The following CPNE4 variants were observed in gnomAD, a reference collection of about 807,000 sequenced individuals.
CPNE4 encodes copine 4.
Under a neutral mutation model 67.9 loss-of-function variants are expected in CPNE4, and 25 were observed. That is an observed-to-expected ratio of 0.37 (90% CI 0.27 to 0.51). The LOEUF (loss-of-function observed/expected upper bound fraction) is 0.51. Ranked by LOEUF, CPNE4 falls within the 20% of genes least tolerant of loss-of-function variation. CPNE4 has a pLI of 0.93. For synonymous variants in CPNE4, 242 were observed against 244.9 expected, an observed-to-expected ratio of 0.99 and a Z score of 0.11; for missense variants, 464 against 690.8, an observed-to-expected ratio of 0.67 and a Z score of 3.68.
intron 11 of CPNE4, among the ~76,000 whole-genome samples, chr3:131,558,357 T>C (rs553902332): frequency 6.6e-6 from 1 of 152,112 alleles, no homozygotes; most frequent in African/African-American, 2.4e-5. Context: ...AAAGAAAGCA[T>C]CTGTATACTA....
At chr3:131,771,086 C>T (rs2083153897) in intron 2 of CPNE4, among the ~76,000 whole-genome samples, 1 of 152,094 alleles carries the variant, frequency 6.6e-6, no homozygotes, top group Admixed American at 6.6e-5. Flanking sequence ...TTCTCTCTCA[C>T]CAAGTTTAAG....
intron 2 of CPNE4, among the ~76,000 whole-genome samples, chr3:131,841,129 G>A (rs1436926404): frequency 2.6e-5 from 4 of 152,158 alleles, no homozygotes; most frequent in Non-Finnish European, 5.9e-5. Context: ...GAAGTATCAG[G>A]TCTTCATGTT....
chr3:131,576,249 C>T (rs369866493), intron 9 of CPNE4, among the ~76,000 whole-genome samples: 83 of 152,218 alleles, frequency 5.5e-4, no homozygotes, highest in African/African-American at 1.9e-3. Flanking sequence ...TTCACTTGGC[C>T]TCTAAATAGT....
chr3:131,810,085 C>A (rs925923222), intron 2 of CPNE4, among the ~76,000 whole-genome samples: 15 of 151,974 alleles, frequency 9.9e-5, no homozygotes, highest in African/African-American at 3.6e-4. Context: ...AAATGTGAAA[C>A]CTGGAACCAT....
chr3:131,726,043 C>T (rs1468569798), intron 2 of CPNE4, among the ~76,000 whole-genome samples: 1 of 152,036 alleles, frequency 6.6e-6, no homozygotes, highest in Non-Finnish European at 1.5e-5. Flanking sequence ...GGAAATAACC[C>T]CAAGAAGTAT....
chr3:132,024,792 G>T (rs944997835), intron 1 of CPNE4, among the ~76,000 whole-genome samples: 19 of 152,088 alleles, frequency 1.2e-4, no homozygotes, highest in Non-Finnish European at 2.5e-4. Flanking sequence ...TGTATAAAGT[G>T]CCCCATGAGG....
chr3:131,727,556 T>C (rs1359128789), intron 2 of CPNE4, among the ~76,000 whole-genome samples: 1 of 152,194 alleles, frequency 6.6e-6, no homozygotes, highest in Non-Finnish European at 1.5e-5. Flanking sequence ...ATCATGGTGC[T>C]CATTTAAAAA....
At chr3:131,983,540 G>C (rs1036888555) in intron 1 of CPNE4, among the ~76,000 whole-genome samples, 31 of 152,112 alleles carry the variant, frequency 2.0e-4, no homozygotes, top group African/African-American at 7.5e-4. Flanking sequence ...CATTTACCTA[G>C]TTATAATTAG....
At chr3:131,542,242 CTAAATTATA>C (rs1935541094) in intron 15 of CPNE4, among the ~76,000 whole-genome samples, 1 of 152,084 alleles carries the variant, frequency 6.6e-6, no homozygotes, top group African/African-American at 2.4e-5. Context: ...ACTAGAGATC[CTAAATTATA>C]TGAATTATAG....
At chr3:131,800,390 C>T (rs1315180287) in intron 2 of CPNE4, among the ~76,000 whole-genome samples, 1 of 152,108 alleles carries the variant, frequency 6.6e-6, no homozygotes, top group Admixed American at 6.6e-5. Flanking sequence ...AGCTTAGAAA[C>T]CTATATATTC....
intron 9 of CPNE4, among the ~76,000 whole-genome samples, chr3:131,580,613 T>G (rs1359505059): frequency 6.6e-6 from 1 of 152,170 alleles, no homozygotes; most frequent in African/African-American, 2.4e-5. Context: ...TGTGTGACTC[T>G]GAGCTAGGTA....
intron 13 of CPNE4, among the ~76,000 whole-genome samples, chr3:131,550,780 T>TACA (rs1224990082): frequency 2.6e-5 from 4 of 152,108 alleles, no homozygotes; most frequent in African/African-American, 9.7e-5. Flanking sequence ...TACAGATAAG[T>TACA]GATGGTTATC....
chr3:131,806,549 C>CAAAAAAAAAAAAAAAAAAAAAAAAAA (rs58302207), intron 2 of CPNE4, among the ~76,000 whole-genome samples: 1 of 72,940 alleles, frequency 1.4e-5, no homozygotes, highest in African/African-American at 4.7e-5. Flanking sequence ...GACTCCGTCT[C>CAAAAAAAAAAAAAAAAAAAAAAAAAA]AAAAAAAAAA....
At chr3:131,839,284 T>A (rs535258023) in intron 2 of CPNE4, among the ~76,000 whole-genome samples, 10 of 151,802 alleles carry the variant, frequency 6.6e-5, no homozygotes, top group Non-Finnish European at 1.5e-4. Context: ...GTCAAAAAAA[T>A]CGTGTTATGT....
intron 1 of CPNE4, among the ~76,000 whole-genome samples, chr3:132,021,498 A>G (rs2073995029): frequency 6.6e-6 from 1 of 152,216 alleles, no homozygotes; most frequent in Non-Finnish European, 1.5e-5. Context: ...CAGGAATCAG[A>G]TAGTAGGCGG....
chr3:131,549,823 A>G (rs1424226082), intron 14 of CPNE4, 124 bp downstream of exon 14: 4 of 1,124,940 alleles, frequency 3.6e-6, no homozygotes, highest in Non-Finnish European at 5.2e-6. Context: ...AGGTTAAGTC[A>G]TTTGTCCAAA....
At position 132,034,643 on chromosome 3, in the gene CPNE4, T is replaced by C; in HGVS notation, c.-78A>G. On this transcript the variant is annotated 5_prime_UTR_variant, in exon 1 of 16. Transcript: ENST00000429747. ...TCTGTCCCGCCCCCAGGATGCAAAA[T>C]CCGGCTTTGAAGTGGAGGTGGTTGG... 1.0e-6 allele frequency: 1 copy of C among 985,406 alleles called. No individual in the cohort carries two copies. Among genetic ancestry groups the C allele is most frequent in the African/African-American group, 1.7e-5 (1 of 57,338 alleles). The allele number at this position is 985,406 out of a possible 1,614,324, so 61.0% of individuals were successfully genotyped here.
intron 5 of CPNE4, among the ~76,000 whole-genome samples, chr3:131,687,061 A>G (rs1198423860): frequency 6.6e-6 from 1 of 152,162 alleles, no homozygotes; most frequent in African/African-American, 2.4e-5. Flanking sequence ...ATCTGCACAG[A>G]ATGTCTTAAG....
At chr3:131,682,728 A>G (rs2080788174) in intron 6 of CPNE4, among the ~76,000 whole-genome samples, 1 of 152,058 alleles carries the variant, frequency 6.6e-6, no homozygotes, top group Non-Finnish European at 1.5e-5. Context: ...CAGGTTAGTG[A>G]GTTCCTCCCA....
Sources: allele counts gnomAD v4.1 joint callset (sites outside exome capture counted in the v4.1 genomes callset), GRCh38; gene constraint gnomAD v4.1.1; transcripts MANE v1.5; gene names NCBI Gene and HGNC (gene_info 2026-07-23, HGNC 2026-07-21).